The following HELZ variants were observed in gnomAD, a reference collection of about 807,000 sequenced individuals.
HELZ encodes the protein ATP-dependent RNA helicase with zinc finger domain.
HELZ carries 23 observed loss-of-function variants against 218.2 expected under a neutral mutation model. The ratio of observed to expected loss-of-function variants is 0.11; its 90% confidence interval spans 0.08 to 0.15. The LOEUF is 0.15. HELZ is among the 10% of genes least tolerant of loss of function. The pLI is 1.00. For missense variants in HELZ, 1,813 were observed against 2,353.7 expected (o/e 0.77, Z 4.75); for synonymous variants, 814 against 829.4 (o/e 0.98, Z 0.32).
At chr17:67,087,908 G>A (rs963408718) in intron 31 of HELZ, among the ~76,000 whole-genome samples, 1 of 152,122 alleles carries the variant, frequency 6.6e-6, no homozygotes, top group African/African-American at 2.4e-5. Context: ...AATTCTAATG[G>A]CAAGGCAGTG....
chr17:67,172,527 T>C (rs1007897514), intron 13 of HELZ, among the ~76,000 whole-genome samples: 1 of 152,254 alleles, frequency 6.6e-6, no homozygotes, highest in African/African-American at 2.4e-5. Context: ...TTAGCCACTT[T>C]ATATTATTTC....
rs10692832 is a variant in HELZ, at chr17:67,212,314, C to CAAAAAAAAAA, written c.247+3575_247+3584dup. On this transcript the variant is annotated intron_variant, in intron 5 of 32. Transcript: ENST00000358691. ...TGGGCGACAGGGAGAGACACCATCT[C>CAAAAAAAAAA]AAAAAAAAAAAAAAAAAAAAAGGCT... Among the ~76,000 whole-genome samples the CAAAAAAAAAA allele has an allele frequency of 1.2e-3, 26 of 21,400 alleles. 3 individuals carry two copies. Among genetic ancestry groups the CAAAAAAAAAA allele is most frequent in the African/African-American group, 3.5e-3 (22 of 6,256 alleles). 14.0% of individuals were successfully genotyped at this position (21,400 alleles called of 152,430 possible).
At position 67,072,966 on chromosome 17, in the gene HELZ, G is replaced by C. The variant is rs1567774736; in HGVS notation, c.*5286C>G. ...CTCCAGACCAAAATCAGAAATGCTG[G>C]GGGTGGGTCCAGCTATCTGAATTTT... On this transcript the variant is annotated 3_prime_UTR_variant, in exon 33 of 33. Coordinates refer to ENST00000358691, the MANE Select transcript of HELZ (RefSeq NM_014877.4). The C allele has an allele frequency of 6.6e-6, 1 of 152,152 alleles. No individual in the cohort carries two copies. The highest frequency in any genetic ancestry group is 2.4e-5 in the African/African-American group (1 of 41,430). 9.4% of individuals were successfully genotyped at this position (152,152 alleles called of 1,614,324 possible).
At chr17:67,141,134 C>T (rs2038309499) in intron 21 of HELZ, among the ~76,000 whole-genome samples, 1 of 152,120 alleles carries the variant, frequency 6.6e-6, no homozygotes, top group Non-Finnish European at 1.5e-5. Context: ...TCCACACAAA[C>T]AAAGAATCTT....
chr17:67,079,593 A>G (rs879410761), intron 32 of HELZ, among the ~76,000 whole-genome samples: 2 of 152,216 alleles, frequency 1.3e-5, no homozygotes, highest in Non-Finnish European at 2.9e-5. Context: ...CTCAGGATAA[A>G]TCCCTAGGTG....
At chr17:67,183,448 T>C (rs1317680061) in intron 12 of HELZ, among the ~76,000 whole-genome samples, 2 of 152,234 alleles carry the variant, frequency 1.3e-5, no homozygotes, top group African/African-American at 4.8e-5. Flanking sequence ...CATGTAACAG[T>C]ATGTAGATAT....
intron 3 of HELZ, among the ~76,000 whole-genome samples, chr17:67,233,657 C>T (rs917800812): frequency 2.0e-5 from 3 of 152,128 alleles, no homozygotes; most frequent in Non-Finnish European, 2.9e-5. Context: ...GATTAAAATT[C>T]TGATTTCAAC....
rs1183151962 is a variant in HELZ at position 67,075,523 on chromosome 17, A to G, written c.*2729T>C. The G allele has an allele frequency of 6.6e-6, 1 of 152,208 alleles. No homozygotes were observed. The highest frequency in any genetic ancestry group is 2.4e-5 in the African/African-American group (1 of 41,456). The allele number at this position is 152,208 out of a possible 1,614,324, so 9.4% of individuals were successfully genotyped here. Reference sequence around the variant, plus strand: ...TAAATCTGATTTATGGGTACTTGCTACTACTACTCAAGTAATACCCAAAGA... The same window carrying G: ...TAAATCTGATTTATGGGTACTTGCTGCTACTACTCAAGTAATACCCAAAGA... On this transcript the variant is annotated 3_prime_UTR_variant, in exon 33 of 33. Transcript: ENST00000358691.
chr17:67,082,860 GTT>G (rs1181656722), intron 32 of HELZ, among the ~76,000 whole-genome samples: 10 of 122,212 alleles, frequency 8.2e-5, no homozygotes, highest in African/African-American at 2.4e-4. Context: ...TTTTTTTTTT[GTT>G]TTTTTTTTTT....
At chr17:67,135,274 T>A (rs939171953) in intron 23 of HELZ, among the ~76,000 whole-genome samples, 3 of 152,156 alleles carry the variant, frequency 2.0e-5, no homozygotes, top group Admixed American at 6.6e-5. Context: ...TGAGAAGCCT[T>A]GAGAGAGCAA....
chr17:67,226,207 C>G (rs1013538230), intron 3 of HELZ, among the ~76,000 whole-genome samples: 1 of 147,786 alleles, frequency 6.8e-6, no homozygotes, highest in Non-Finnish European at 1.5e-5. Flanking sequence ...TGCAGTGAGC[C>G]GAGATCGCAC....
chr17:67,167,739 A>G lies in HELZ; in HGVS notation c.1488T>C (p.Ser496=), dbSNP rs1281697075. 1 of 1,614,160 alleles carries G rather than the reference A, an allele frequency of 6.2e-7. No homozygotes were observed. The highest frequency in any genetic ancestry group is 1.7e-5 in the Admixed American group (1 of 60,028). The change falls in exon 14 of 33, where the codon TCT becomes TCC. Residue 496 remains serine (S), a synonymous_variant. Coordinates refer to ENST00000358691, the MANE Select transcript of HELZ (RefSeq NM_014877.4). ...ILASFMLTGV[S]GGAKYAQNGQ... ...CATTCTGAGCATACTTTGCACCTCC[A>G]GAAACACCAGTGAGCATGAAGCTTG...
intron 1 of HELZ, chr17:67,244,628 C>A: frequency 1.1e-6 from 1 of 896,150 alleles, no homozygotes; most frequent in Non-Finnish European, 1.3e-6. Flanking sequence ...GAGCCCTCCG[C>A]GGGGGAGGGA....
intron 24 of HELZ, 171 bp downstream of exon 24, chr17:67,128,480 T>C (rs2037872586): frequency 1.5e-6 from 1 of 659,546 alleles, no homozygotes; most frequent in Non-Finnish European, 2.7e-6. Context: ...AACACCATAC[T>C]GTATTTTCAC....
chr17:67,234,941 G>T (rs1220174356), intron 3 of HELZ, among the ~76,000 whole-genome samples: 2 of 152,142 alleles, frequency 1.3e-5, no homozygotes, highest in African/African-American at 4.8e-5. Flanking sequence ...TCCCCAAGAA[G>T]GCAGTATCGC....
At chr17:67,245,238 C>T (rs1258165915), upstream of HELZ, 1 of 984,460 alleles carries the variant, frequency 1.0e-6, no homozygotes, top group Non-Finnish European at 1.2e-6. Flanking sequence ...GTGACTCCCC[C>T]CGGCCCCCGA....
intron 15 of HELZ, among the ~76,000 whole-genome samples, chr17:67,165,133 G>A (rs1234961646): frequency 6.6e-6 from 1 of 152,146 alleles, no homozygotes; most frequent in Non-Finnish European, 1.5e-5. Flanking sequence ...TACACAAGAG[G>A]AAAACAGAGG....
intron 13 of HELZ, among the ~76,000 whole-genome samples, chr17:67,174,724 G>A (rs1422202748): frequency 1.3e-5 from 2 of 152,144 alleles, no homozygotes; most frequent in Non-Finnish European, 2.9e-5. Context: ...CTTGAACCCA[G>A]GAGGCGGAGG....
rs867113631 is a variant in HELZ at position 67,147,671 on chromosome 17, G to A, written c.2621+898C>T. Among the ~76,000 whole-genome samples, 3 of 150,610 alleles carry A rather than the reference G, an allele frequency of 2.0e-5. No homozygotes were observed. In the East Asian group the frequency reaches 5.8e-4, roughly 29 times the overall value. Reference sequence around the variant, plus strand: ...TTTTTTTTTTTTTTTTGGTAGGAAGGGGGGGTCTTTCTATGTTGCTCAGGC... The same window carrying A: ...TTTTTTTTTTTTTTTTGGTAGGAAGAGGGGGTCTTTCTATGTTGCTCAGGC... On this transcript the variant is annotated intron_variant, in intron 20 of 32. Coordinates refer to ENST00000358691, the MANE Select transcript of HELZ (RefSeq NM_014877.4).
Sources: gnomAD v4.1 joint callset for allele counts (sites outside exome capture counted in the v4.1 genomes callset) on GRCh38, gnomAD v4.1.1 for gene constraint, MANE v1.5 for transcripts, NCBI Gene and HGNC (gene_info 2026-07-23, HGNC 2026-07-21) for gene names.